The following SEPTIN9 variants were observed in gnomAD, a reference collection of about 807,000 sequenced individuals.
SEPTIN9 encodes the protein septin-9.
In SEPTIN9, 13 loss-of-function variants were observed where a neutral mutation model predicts 56.6. The ratio of observed to expected loss-of-function variants is 0.23; its 90% CI spans 0.15 to 0.37. SEPTIN9 has a LOEUF of 0.37. Among genes scored for constraint, SEPTIN9 ranks in the 10% least tolerant of loss-of-function variants. The pLI is 1.00. For synonymous variants in SEPTIN9, 332 were observed against 334.1 expected, an observed-to-expected ratio of 0.99 and a Z score of 0.07; for missense variants, 650 against 823.1, an observed-to-expected ratio of 0.79 and a Z score of 2.57.
intron 1 of SEPTIN9, among the ~76,000 whole-genome samples, chr17:77,296,219 G>C (rs1567979333): frequency 2.0e-5 from 3 of 152,162 alleles, no homozygotes; most frequent in Admixed American, 6.5e-5. Context: ...CTCTCAAACT[G>C]AGAAATACAT....
At chr17:77,353,948 T>C (rs2034141657) in intron 2 of SEPTIN9, among the ~76,000 whole-genome samples, 1 of 152,064 alleles carries the variant, frequency 6.6e-6, no homozygotes, top group African/African-American at 2.4e-5. Flanking sequence ...GAGGCAGGTA[T>C]AGTCCGTGAG....
At position 77,454,702 on chromosome 17, in the gene SEPTIN9, C is replaced by G. The variant is rs530696623; in HGVS notation, c.722-27442C>G. On this transcript the variant is annotated intron_variant, in intron 3 of 11. Coordinates refer to ENST00000427177, the MANE Select transcript of SEPTIN9 (RefSeq NM_001113491.2). Reference sequence around the variant, plus strand: ...GTTCAAACTCGCCGCCGCTCAGCCTCTTCCTCCTCTCTTTCATCAACCCTG... The same window carrying G: ...GTTCAAACTCGCCGCCGCTCAGCCTGTTCCTCCTCTCTTTCATCAACCCTG... 2.0e-4 allele frequency among the ~76,000 whole-genome samples: 31 copies of G among 152,340 alleles called. 1 individual carries two copies. In the South Asian group the frequency reaches 6.0e-3, roughly 30 times the overall value.
rs115185164 is a variant in SEPTIN9, at chr17:77,440,881, C to T, written c.721+38178C>T. Among the ~76,000 whole-genome samples, 645 of 152,374 alleles carry T rather than the reference C, an allele frequency of 4.2e-3. 3 individuals carry two copies. The highest frequency in any genetic ancestry group is 0.014 in the African/African-American group (601 of 41,594). On this transcript the variant is annotated intron_variant, in intron 3 of 11. Coordinates refer to ENST00000427177, the MANE Select transcript of SEPTIN9 (RefSeq NM_001113491.2). ...CACATCCTGCTGATCTCCATGCCTGCAGGCCTGGCCTGATGAGATGGACAG... is the reference window on the plus strand; with the variant it reads ...CACATCCTGCTGATCTCCATGCCTGTAGGCCTGGCCTGATGAGATGGACAG...
chr17:77,425,501 T>TGG lies in SEPTIN9; in HGVS notation c.721+22805_721+22806dup, dbSNP rs200387298. 1.8e-3 allele frequency among the ~76,000 whole-genome samples: 270 copies of TGG among 151,946 alleles called. 6 individuals carry two copies. In the South Asian group the frequency reaches 0.053, roughly 30 times the overall value. ...CCTCTCTGGTCATGGGGACGCTGCC[T>TGG]GGGGGGGGTTCCCTTACATGGAAGG... On this transcript the variant is annotated intron_variant, in intron 3 of 11. Transcript: ENST00000427177. The surrounding 1 kb of genome is among the most constrained non-coding windows in gnomAD (Gnocchi z 4.2).
At chr17:77,407,398 T>C (rs11077909) in intron 3 of SEPTIN9, among the ~76,000 whole-genome samples, 62,899 of 150,880 alleles carry the variant, frequency 0.42, 13,655 homozygotes, top group African/African-American at 0.52. Flanking sequence ...TGAGTTGGGA[T>C]GGCTTTTTTG....
chr17:77,433,538 A>C lies in SEPTIN9; in HGVS notation c.721+30835A>C. 6.6e-6 allele frequency among the ~76,000 whole-genome samples: 1 copy of C among 150,390 alleles called. No homozygotes were observed. Among genetic ancestry groups the C allele is most frequent in the South Asian group, 2.1e-4 (1 of 4,690 alleles). On this transcript the variant is annotated intron_variant, in intron 3 of 11. Coordinates refer to ENST00000427177, the MANE Select transcript of SEPTIN9 (RefSeq NM_001113491.2). The surrounding 1 kb of genome is among the most constrained non-coding windows in gnomAD (Gnocchi z 6.4). ...TGGCGCCCCAGCCACGTTCCCACCC[A>C]CCCCGAGGCCCAGCATGGCCATGCC...
chr17:77,316,145 C>T (rs1463847676), intron 2 of SEPTIN9, among the ~76,000 whole-genome samples: 1 of 152,206 alleles, frequency 6.6e-6, no homozygotes, highest in African/African-American at 2.4e-5. Flanking sequence ...TTCAGTGTTC[C>T]TCTGGAGGGA....
intron 3 of SEPTIN9, among the ~76,000 whole-genome samples, chr17:77,442,579 G>T (rs1185477119): frequency 6.7e-6 from 1 of 148,502 alleles, no homozygotes; most frequent in Non-Finnish European, 1.5e-5. Context: ...AGGGGTGAAA[G>T]CACATATTAT....
At chr17:77,334,941 T>C (rs191006726) in intron 2 of SEPTIN9, among the ~76,000 whole-genome samples, 2 of 152,328 alleles carry the variant, frequency 1.3e-5, no homozygotes, top group Admixed American at 1.3e-4. Flanking sequence ...TGACTGTATA[T>C]GTGGCCCTAT....
chr17:77,475,944 C>G lies in SEPTIN9; in HGVS notation c.722-6200C>G, dbSNP rs747272379. On this transcript the variant is annotated intron_variant, in intron 3 of 11. Coordinates refer to ENST00000427177, the MANE Select transcript of SEPTIN9 (RefSeq NM_001113491.2). This position sits in a 1 kb window ranked among gnomAD's most constrained non-coding sequence, Gnocchi z 4.6. ...GCCATTTCGGTCCGTGCTCTGAGAG[C>G]CAGGTGTGGGTTGGGTTTGGGGAAG... 6.3e-7 allele frequency: 1 copy of G among 1,579,252 alleles called. No individual in the cohort carries two copies. Among genetic ancestry groups the G allele is most frequent in the Non-Finnish European group, 8.6e-7 (1 of 1,158,768 alleles).
intron 2 of SEPTIN9, among the ~76,000 whole-genome samples, chr17:77,394,850 C>G (rs1054844986): frequency 1.3e-4 from 20 of 152,204 alleles, no homozygotes; most frequent in Admixed American, 3.3e-4. Flanking sequence ...GCTCCTGTTT[C>G]GACCCCGCCA....
At chr17:77,390,346 TAAAA>T (rs200348069) in intron 2 of SEPTIN9, among the ~76,000 whole-genome samples, 2 of 90,334 alleles carry the variant, frequency 2.2e-5, no homozygotes, top group African/African-American at 4.7e-5. Context: ...GACTCCGTCT[TAAAA>T]AAAAAAAAAA....
intron 2 of SEPTIN9, among the ~76,000 whole-genome samples, chr17:77,362,137 T>C (rs573122308): frequency 6.1e-4 from 93 of 152,308 alleles, no homozygotes; most frequent in African/African-American, 1.9e-3. Context: ...GGAGGCTCCA[T>C]GTGGATTTGG....
rs544649761 is a variant in SEPTIN9 at position 77,435,658 on chromosome 17, G to A, written c.721+32955G>A. On this transcript the variant is annotated intron_variant, in intron 3 of 11. Coordinates refer to ENST00000427177, the MANE Select transcript of SEPTIN9 (RefSeq NM_001113491.2). This position sits in a 1 kb window ranked among gnomAD's most constrained non-coding sequence, Gnocchi z 4.5. ...ACAGAATGAAGCAGCTAGGGGAGGC[G>A]GACGCTTTGGCACGAGGGTGGCGTT... Among the ~76,000 whole-genome samples the A allele has an allele frequency of 1.8e-4, 27 of 152,358 alleles. No individual in the cohort carries two copies. The highest frequency in any genetic ancestry group is 2.8e-4 in the Non-Finnish European group (19 of 68,030).
At chr17:77,396,312 T>A (rs1399296766) in intron 2 of SEPTIN9, among the ~76,000 whole-genome samples, 2 of 152,240 alleles carry the variant, frequency 1.3e-5, no homozygotes, top group Non-Finnish European at 2.9e-5. Flanking sequence ...AGGAGGAAGC[T>A]GTCCGGTGCT....
chr17:77,307,394 T>C (rs1261398343), intron 2 of SEPTIN9, among the ~76,000 whole-genome samples, 197 bp downstream of exon 2: 1 of 152,216 alleles, frequency 6.6e-6, no homozygotes. Flanking sequence ...GCTGCCCTGC[T>C]GGAGATGATC....
chr17:77,348,588 C>T (rs907498583), intron 2 of SEPTIN9, among the ~76,000 whole-genome samples: 3 of 152,226 alleles, frequency 2.0e-5, no homozygotes, highest in Non-Finnish European at 1.5e-5. Flanking sequence ...GCGTGAGCCA[C>T]TGAGCCCGGC....
rs1343809956 is a variant in SEPTIN9 at position 77,498,542 on chromosome 17, A to C, written c.1645A>C (p.Lys549Gln). Residue 549 changes from lysine to glutamine, a missense_variant, in exon 12 of 12, where the codon AAG becomes CAG. Coordinates refer to ENST00000427177, the MANE Select transcript of SEPTIN9 (RefSeq NM_001113491.2). The stretch of plus-strand genomic sequence containing the variant: ...CCACAGGACGCACATGCAGAACATC[A>C]AGGACATCACCAGCAGCATCCACTT... ...LLIRTHMQNI[K>Q]DITSSIHFEA... 1 of 1,317,518 alleles carries C rather than the reference A, an allele frequency of 7.6e-7. No homozygotes were observed. The highest frequency in any genetic ancestry group is 1.0e-6 in the Non-Finnish European group (1 of 972,962). The allele number at this position is 1,317,518 out of a possible 1,614,324, so 81.6% of individuals were successfully genotyped here.
chr17:77,429,988 C>T lies in SEPTIN9; in HGVS notation c.721+27285C>T, dbSNP rs1270932685. Reference sequence around the variant, plus strand: ...GGACAGCAGACCCTGGGGGTTGGCTCTGATGGTATTCACCATGGGGTACCC... The same window carrying T: ...GGACAGCAGACCCTGGGGGTTGGCTTTGATGGTATTCACCATGGGGTACCC... On this transcript the variant is annotated intron_variant, in intron 3 of 11. Coordinates refer to ENST00000427177, the MANE Select transcript of SEPTIN9 (RefSeq NM_001113491.2). This position sits in a 1 kb window ranked among gnomAD's most constrained non-coding sequence, Gnocchi z 5.2. Among the ~76,000 whole-genome samples the T allele has an allele frequency of 1.3e-5, 2 of 152,172 alleles. No homozygotes were observed. The highest frequency in any genetic ancestry group is 2.1e-4 in the South Asian group (1 of 4,834).
Sources: allele counts gnomAD v4.1 joint callset (sites outside exome capture counted in the v4.1 genomes callset), GRCh38; gene constraint gnomAD v4.1.1; non-coding constraint Gnocchi (gnomAD v3.1); transcripts MANE v1.5; gene names NCBI Gene and HGNC (gene_info 2026-07-23, HGNC 2026-07-21).